Variants in RTTN observed in about 807,000 individuals in gnomAD.
The protein encoded by RTTN is rotatin.
RTTN carries 182 observed loss-of-function variants against 269.2 expected under a neutral mutation model. The ratio of observed to expected loss-of-function variants is 0.68; its 90% CI spans 0.60 to 0.76. The LOEUF (loss-of-function observed/expected upper bound fraction) is 0.76. Ranked by LOEUF, RTTN falls within the 30% of genes least tolerant of loss-of-function variation. RTTN has a pLI of 0.00. For missense variants in RTTN, 2,545 were observed against 2,608.6 expected (o/e 0.98, Z 0.53); for synonymous variants, 1,006 against 963.5 (o/e 1.04, Z -0.82).
intron 28 of RTTN, among the ~76,000 whole-genome samples, chr18:70,107,420 T>C (rs1239460588): frequency 6.6e-6 from 1 of 152,244 alleles, no homozygotes; most frequent in African/African-American, 2.4e-5. Context: ...CAAGGGCAGA[T>C]ATGCAAAATT....
intron 17 of RTTN, among the ~76,000 whole-genome samples, chr18:70,146,365 C>G (rs1026910522): frequency 6.6e-6 from 1 of 152,138 alleles, no homozygotes; most frequent in Non-Finnish European, 1.5e-5. Flanking sequence ...AGAGTAAATA[C>G]TGTATGCCAC....
intron 43 of RTTN, among the ~76,000 whole-genome samples, chr18:70,027,624 A>C (rs940274906): frequency 1.3e-5 from 2 of 152,196 alleles, no homozygotes; most frequent in Non-Finnish European, 2.9e-5. Flanking sequence ...ATACACATGA[A>C]ATTTATATAT....
chr18:70,149,037 C>T lies in RTTN; in HGVS notation c.2173G>A (p.Gly725Ser). Residue 725 changes from glycine (G) to serine (S), a missense_variant and splice_region_variant, in exon 17 of 49, where the codon GGC becomes AGC. Coordinates refer to ENST00000640769, the MANE Select transcript of RTTN (RefSeq NM_173630.4). Reference sequence around the variant, plus strand: ...AGAGGATCTTCTGTGTCGGCATAGCCCTAATAGATTTGTTTTTAAAGAGAA... The same window carrying T: ...AGAGGATCTTCTGTGTCGGCATAGCTCTAATAGATTTGTTTTTAAAGAGAA... ...SLCPVIPILQ[G>S]YADTEDPLGN... 3.1e-6 allele frequency: 5 copies of T among 1,606,690 alleles called. No homozygotes were observed. The highest frequency in any genetic ancestry group is 4.2e-6 in the Non-Finnish European group (5 of 1,177,542).
At chr18:70,032,418 C>T (rs1169796822) in intron 40 of RTTN, among the ~76,000 whole-genome samples, 1 of 152,180 alleles carries the variant, frequency 6.6e-6, no homozygotes, top group Non-Finnish European at 1.5e-5. Flanking sequence ...CTTCATGCCG[C>T]CTTGCCTGCA....
chr18:70,030,035 C>T lies in RTTN; in HGVS notation c.5722G>A (p.Gly1908Arg), dbSNP rs2056968069. The change falls in exon 42 of 49, where the codon GGG becomes AGG. Residue 1908 changes from glycine to arginine, a missense_variant. Coordinates refer to ENST00000640769, the MANE Select transcript of RTTN (RefSeq NM_173630.4). The part of the protein sequence containing the change: ...AQLNLDSLRP[G>R]KAALKKKEDG... ...ACCTTTTTTTTCAATGCTGCTTTCC[C>T]AGGCCTCAGAGAATCTAGGTTCAGT... 1 of 1,612,602 alleles carries T rather than the reference C, an allele frequency of 6.2e-7. No individual in the cohort carries two copies.
intron 11 of RTTN, among the ~76,000 whole-genome samples, chr18:70,173,830 T>C (rs2061213185): frequency 6.6e-6 from 1 of 152,214 alleles, no homozygotes; most frequent in Non-Finnish European, 1.5e-5. Context: ...CTTCATACAA[T>C]GGAATATTTT....
intron 3 of RTTN, among the ~76,000 whole-genome samples, chr18:70,203,217 C>G (rs1342163154): frequency 1.4e-5 from 2 of 146,602 alleles, no homozygotes; most frequent in African/African-American, 2.5e-5. Flanking sequence ...TTTTTTTTTT[C>G]GAGATGGAGT....
intron 40 of RTTN, among the ~76,000 whole-genome samples, chr18:70,035,956 C>T (rs540547737): frequency 6.6e-6 from 1 of 152,278 alleles, no homozygotes; most frequent in African/African-American, 2.4e-5. Flanking sequence ...AAAAAAAGCT[C>T]AACATCACTG....
intron 18 of RTTN, among the ~76,000 whole-genome samples, chr18:70,143,398 T>C (rs565131744): frequency 6.0e-4 from 92 of 152,254 alleles, no homozygotes; most frequent in African/African-American, 2.0e-3. Context: ...ATATACACCA[T>C]AGAGTACCAT....
At chr18:70,064,704 G>C (rs73964492) in intron 35 of RTTN, among the ~76,000 whole-genome samples, 4,736 of 152,216 alleles carry the variant, frequency 0.031, 280 homozygotes, top group African/African-American at 0.11. Flanking sequence ...GGGAGTGACT[G>C]CTAATGGGTA....
intron 3 of RTTN, among the ~76,000 whole-genome samples, chr18:70,203,320 A>G (rs953547843): frequency 1.3e-5 from 2 of 151,944 alleles, no homozygotes; most frequent in African/African-American, 4.8e-5. Context: ...CTCCTGCCTC[A>G]GCCTCCCTAC....
intron 10 of RTTN, among the ~76,000 whole-genome samples, chr18:70,179,142 G>A (rs374631918): frequency 7.2e-5 from 11 of 152,132 alleles, no homozygotes; most frequent in South Asian, 4.1e-4. Context: ...TATTTAAACC[G>A]AAAGTAGAAC....
intron 32 of RTTN, among the ~76,000 whole-genome samples, chr18:70,076,648 A>G (rs2058435814): frequency 6.6e-6 from 1 of 152,046 alleles, no homozygotes; most frequent in African/African-American, 2.4e-5. Flanking sequence ...TAATAAATCT[A>G]CCAACACTGT....
intron 28 of RTTN, among the ~76,000 whole-genome samples, chr18:70,094,098 ACTCT>A (rs139440949): frequency 6.6e-6 from 1 of 151,836 alleles, no homozygotes; most frequent in Non-Finnish European, 1.5e-5. Context: ...TGTTTATAAC[ACTCT>A]CTGACGGTAG....
chr18:70,084,872 A>G (rs1181432135), intron 32 of RTTN, among the ~76,000 whole-genome samples: 1 of 152,224 alleles, frequency 6.6e-6, no homozygotes, highest in Non-Finnish European at 1.5e-5. Context: ...AAGACTGGAG[A>G]ATAACAAAAC....
chr18:70,009,657 A>G (rs2056309449), intron 46 of RTTN, among the ~76,000 whole-genome samples: 1 of 152,222 alleles, frequency 6.6e-6, no homozygotes, highest in Admixed American at 6.5e-5. Context: ...TGACACTATG[A>G]AGAAACTGCA....
intron 25 of RTTN, among the ~76,000 whole-genome samples, chr18:70,125,412 C>G (rs1024579273): frequency 6.6e-6 from 1 of 151,900 alleles, no homozygotes; most frequent in African/African-American, 2.4e-5. Flanking sequence ...CTGAGCAAAG[C>G]CAGAATTATT....
In RTTN at chr18:70,092,235, G is replaced by T; in HGVS notation, c.4033-15C>A. 6.8e-7 allele frequency: 1 copy of T among 1,474,674 alleles called. No individual in the cohort carries two copies. Among genetic ancestry groups the T allele is most frequent in the South Asian group, 1.2e-5 (1 of 86,308 alleles). The allele number at this position is 1,474,674 out of a possible 1,614,324, so 91.3% of individuals were successfully genotyped here. Reference sequence around the variant, plus strand: ...GACATCCACTCCTAGAGGGAAAAAAGGGAAACAGAAATATTTGAGGTAAGT... The same window carrying T: ...GACATCCACTCCTAGAGGGAAAAAATGGAAACAGAAATATTTGAGGTAAGT... On this transcript the variant is annotated splice_polypyrimidine_tract_variant and intron_variant, in intron 29 of 48. Transcript: ENST00000640769.
At chr18:70,033,390 C>T (rs1305413082) in intron 40 of RTTN, among the ~76,000 whole-genome samples, 1 of 152,168 alleles carries the variant, frequency 6.6e-6, no homozygotes, top group Non-Finnish European at 1.5e-5. Context: ...CAGACCACAG[C>T]ACAATAAAAA....
Sources: gnomAD v4.1 joint callset for allele counts (sites outside exome capture counted in the v4.1 genomes callset) on GRCh38, gnomAD v4.1.1 for gene constraint, MANE v1.5 for transcripts, NCBI Gene and HGNC (gene_info 2026-07-23, HGNC 2026-07-21) for gene names.